The following ARHGAP35 variants were observed in gnomAD, a reference collection of about 807,000 sequenced individuals.
ARHGAP35 encodes rho GTPase-activating protein 35.
In ARHGAP35, 15 loss-of-function variants were observed where a neutral mutation model predicts 111.1. That is an observed-to-expected ratio of 0.13 (90% CI 0.09 to 0.21). The LOEUF (loss-of-function observed/expected upper bound fraction) is 0.21, where lower values mean the gene tolerates loss of function less well. ARHGAP35 is among the 10% of genes least tolerant of loss of function. The pLI, the probability that ARHGAP35 is intolerant of heterozygous loss-of-function variation, is 1.00. For missense variants in ARHGAP35, 1,262 were observed against 1,873.0 expected (o/e 0.67, Z 6.02); for synonymous variants, 643 against 710.3 (o/e 0.91, Z 1.51).
intron 3 of ARHGAP35, among the ~76,000 whole-genome samples, chr19:46,949,662 G>A (rs1808934059): frequency 6.6e-6 from 1 of 152,186 alleles, no homozygotes; most frequent in South Asian, 2.1e-4. Flanking sequence ...CCTTTGCCAG[G>A]CAGGAGTAGC....
At chr19:46,874,494 GT>G (rs1432836960) in intron 1 of ARHGAP35, among the ~76,000 whole-genome samples, 2 of 132,302 alleles carry the variant, frequency 1.5e-5, no homozygotes, top group Non-Finnish European at 3.3e-5. Context: ...CATGTTTTAT[GT>G]TTTGTCTTTT....
chr19:46,862,565 T>A (rs963407585), intron 1 of ARHGAP35, among the ~76,000 whole-genome samples: 2 of 152,184 alleles, frequency 1.3e-5, no homozygotes, highest in Admixed American at 6.5e-5. Context: ...AGATCCATTT[T>A]GTACCTACAC....
In ARHGAP35 at chr19:46,919,490, C is replaced by T. The variant is rs1265698832; in HGVS notation, c.815C>T (p.Thr272Ile). The T allele has an allele frequency of 2.5e-6, 4 of 1,613,948 alleles. No homozygotes were observed. The highest frequency in any genetic ancestry group is 1.1e-5 in the South Asian group (1 of 91,086). ...ALKQQSQQIA[T>I]AKDKYEWLVS... ...AAGCAGCAGAGTCAGCAGATAGCTA[C>T]AGCAAAAGACAAGTATGAGTGGCTG... Residue 272 changes from threonine to isoleucine, a missense_variant, in exon 2 of 7, where the codon ACA (threonine) becomes ATA (isoleucine). By Grantham distance (89) the Thr-to-Ile change is moderately conservative. This residue lies in a region of ARHGAP35 where 328 missense variants were observed against 440.8 expected (regional missense o/e 0.74). Coordinates refer to ENST00000672722, the MANE Select transcript of ARHGAP35 (RefSeq NM_004491.5). This position sits in a 1 kb window ranked among gnomAD's most constrained non-coding sequence, Gnocchi z 6.2.
chr19:46,975,129 C>T (rs934022824), intron 3 of ARHGAP35, among the ~76,000 whole-genome samples: 1 of 152,150 alleles, frequency 6.6e-6, no homozygotes, highest in Non-Finnish European at 1.5e-5. Flanking sequence ...CTCGGCCTCC[C>T]AAAGTGCTGA....
chr19:46,959,030 G>GTTGT (rs113568317), intron 3 of ARHGAP35, among the ~76,000 whole-genome samples: 37,614 of 152,010 alleles, frequency 0.25, 4,850 homozygotes, highest in Middle Eastern at 0.3. Context: ...ACGAAGTACA[G>GTTGT]TTAAGTAAAA....
intron 3 of ARHGAP35, among the ~76,000 whole-genome samples, chr19:46,964,944 T>C (rs2056504227): frequency 6.6e-6 from 1 of 152,258 alleles, no homozygotes; most frequent in African/African-American, 2.4e-5. Context: ...TATTCAGTTA[T>C]CATAGTACTA....
chr19:46,967,942 A>G (rs916021204), intron 3 of ARHGAP35, among the ~76,000 whole-genome samples: 1 of 151,746 alleles, frequency 6.6e-6, no homozygotes, highest in East Asian at 1.9e-4. Context: ...GCTCCCTGCC[A>G]TGTCTGTCAC....
chr19:46,882,505 T>G lies in ARHGAP35; in HGVS notation c.-189+21296T>G, dbSNP rs137921042. On this transcript the variant is annotated intron_variant, in intron 1 of 6. Coordinates refer to ENST00000672722, the MANE Select transcript of ARHGAP35 (RefSeq NM_004491.5). ...TATTTATTTATTTTTACATTTTACT[T>G]TAAGTTCTGGGATACATGTGCAGAA... Among the ~76,000 whole-genome samples the G allele has an allele frequency of 9.8e-5, 15 of 152,292 alleles. 1 individual carries two copies. Among genetic ancestry groups the G allele is most frequent in the African/African-American group, 3.6e-4 (15 of 41,548 alleles).
chr19:46,936,972 T>A (rs565317366), intron 2 of ARHGAP35, among the ~76,000 whole-genome samples: 1 of 151,938 alleles, frequency 6.6e-6, no homozygotes, highest in African/African-American at 2.4e-5. Flanking sequence ...CCCAAGTAGC[T>A]GGGATTACAG....
Position 46,920,380 on chromosome 19 carries a change from A to G in ARHGAP35, c.1705A>G (p.Lys569Glu). 2 of 1,614,000 alleles carry G rather than the reference A, an allele frequency of 1.2e-6. No homozygotes were observed. The highest frequency in any genetic ancestry group is 1.7e-6 in the Non-Finnish European group (2 of 1,179,892). Residue 569 changes from lysine to glutamate, a missense_variant, in exon 2 of 7, where the codon AAG (lysine) becomes GAG (glutamate). Physicochemically the swap from Lys to Glu is moderately conservative, Grantham distance 56. This residue lies in a region of ARHGAP35 where 328 missense variants were observed against 440.8 expected (regional missense o/e 0.74). Coordinates refer to ENST00000672722, the MANE Select transcript of ARHGAP35 (RefSeq NM_004491.5). The surrounding 1 kb of genome is among the most constrained non-coding windows in gnomAD (Gnocchi z 7.0). Reference protein sequence around the residue: ...CPSCPACVDAKIEHLISSRFI... With the variant: ...CPSCPACVDAEIEHLISSRFI... ...CAGCTGCCCAGCTTGTGTGGACGCT[A>G]AGATTGAGCACTTGATTAGTTCTCG... is the stretch of plus-strand genomic sequence containing the variant.
At chr19:46,927,381 G>C (rs1194236376) in intron 2 of ARHGAP35, among the ~76,000 whole-genome samples, 1 of 152,210 alleles carries the variant, frequency 6.6e-6, no homozygotes, top group African/African-American at 2.4e-5. Flanking sequence ...CTAAGGAATT[G>C]TGTAACAAGG....
At chr19:46,938,295 A>G (rs751850632) in intron 3 of ARHGAP35, among the ~76,000 whole-genome samples, 4 of 152,206 alleles carry the variant, frequency 2.6e-5, no homozygotes, top group African/African-American at 4.8e-5. Flanking sequence ...GACAGTGTTC[A>G]TATTTACTTA....
chr19:46,967,439 C>A (rs1397277872), intron 3 of ARHGAP35, among the ~76,000 whole-genome samples: 1 of 152,154 alleles, frequency 6.6e-6, no homozygotes, highest in Non-Finnish European at 1.5e-5. Flanking sequence ...ACCACCTAAG[C>A]GTGTTTTCAG....
At chr19:46,970,834 G>T (rs1461852407) in intron 3 of ARHGAP35, among the ~76,000 whole-genome samples, 1 of 152,156 alleles carries the variant, frequency 6.6e-6, no homozygotes, top group Non-Finnish European at 1.5e-5. Context: ...GAAGTGGAAT[G>T]ATTGAGCCTA....
intron 3 of ARHGAP35, among the ~76,000 whole-genome samples, chr19:46,966,957 TCTAA>T (rs1443906326): frequency 7.9e-5 from 12 of 152,176 alleles, no homozygotes; most frequent in Non-Finnish European, 1.8e-4. Flanking sequence ...CACTGGATTC[TCTAA>T]CAGGATGGGA....
intron 3 of ARHGAP35, among the ~76,000 whole-genome samples, chr19:46,965,541 G>A (rs534199403): frequency 5.3e-5 from 8 of 152,148 alleles, no homozygotes; most frequent in African/African-American, 1.7e-4. Flanking sequence ...CTGGTGTGCC[G>A]TGGCACAGTC....
chr19:46,882,764 G>A (rs369592893), intron 1 of ARHGAP35, among the ~76,000 whole-genome samples: 18 of 152,062 alleles, frequency 1.2e-4, no homozygotes, highest in East Asian at 5.8e-4. Context: ...TTGGTTTTCT[G>A]TTCCTGTGTT....
chr19:46,884,362 C>T (rs950802624), intron 1 of ARHGAP35, among the ~76,000 whole-genome samples: 1 of 151,936 alleles, frequency 6.6e-6, no homozygotes, highest in Non-Finnish European at 1.5e-5. Context: ...AAACTAGCTG[C>T]CTTATAGGGA....
chr19:46,905,391 T>TAA (rs66600603), intron 1 of ARHGAP35, among the ~76,000 whole-genome samples: 1 of 147,552 alleles, frequency 6.8e-6, no homozygotes, highest in African/African-American at 2.5e-5. Context: ...TTTTTTTTTT[T>TAA]AATAGATGGA....
Sources: allele counts gnomAD v4.1 joint callset (sites outside exome capture counted in the v4.1 genomes callset), GRCh38; gene constraint gnomAD v4.1.1; regional missense constraint gnomAD v4.1.1; non-coding constraint Gnocchi (gnomAD v3.1); transcripts MANE v1.5; gene names NCBI Gene and HGNC (gene_info 2026-07-23, HGNC 2026-07-21).